The following BMPR1B variants were observed in gnomAD, a reference collection of about 807,000 sequenced individuals.
BMPR1B encodes bone morphogenetic protein receptor type 1B, also known as bone morphogenetic protein receptor type-1B.
Under a neutral mutation model 59.1 loss-of-function variants are expected in BMPR1B, and 12 were observed. The ratio of observed to expected loss-of-function variants is 0.20; its 90% CI spans 0.13 to 0.33. BMPR1B has a LOEUF of 0.33. Ranked by LOEUF, BMPR1B falls within the 10% of genes least tolerant of loss-of-function variation. The pLI is 1.00. For synonymous variants in BMPR1B, 237 were observed against 207.3 expected, an observed-to-expected ratio of 1.14 and a Z score of -1.23; for missense variants, 550 against 610.9, an observed-to-expected ratio of 0.90 and a Z score of 1.05.
chr4:94,813,919 A>T (rs1337412977), intron 1 of BMPR1B, among the ~76,000 whole-genome samples: 1 of 152,178 alleles, frequency 6.6e-6, no homozygotes, highest in Non-Finnish European at 1.5e-5. Flanking sequence ...AAAGCAAGGG[A>T]AAACAAGAAT....
intron 2 of BMPR1B, among the ~76,000 whole-genome samples, chr4:94,975,357 G>GTTTTTT (rs1177887549): frequency 1.5e-4 from 14 of 94,212 alleles, no homozygotes; most frequent in Non-Finnish European, 1.4e-4. Context: ...ATTTCCTTTT[G>GTTTTTT]TTTTTGTTTT....
At chr4:94,832,668 A>C (rs1044086671) in intron 1 of BMPR1B, among the ~76,000 whole-genome samples, 3 of 152,184 alleles carry the variant, frequency 2.0e-5, no homozygotes, top group African/African-American at 7.2e-5. Flanking sequence ...CTGTAATCCC[A>C]GCTACTCAGG....
chr4:95,152,816 T>G (rs2149330729), intron 12 of BMPR1B, 43 bp downstream of exon 12: 1 of 1,601,890 alleles, frequency 6.2e-7, no homozygotes, highest in East Asian at 2.2e-5. Context: ...GACTTCTAAA[T>G]AGACTTTTCT....
At chr4:94,917,603 C>T (rs1728533620) in intron 2 of BMPR1B, among the ~76,000 whole-genome samples, 1 of 152,192 alleles carries the variant, frequency 6.6e-6, no homozygotes, top group Admixed American at 6.5e-5. Context: ...TACTCAATGC[C>T]TGTATCCCCA....
chr4:94,830,309 AATTCT>A (rs1262324632), intron 1 of BMPR1B, among the ~76,000 whole-genome samples: 1 of 152,184 alleles, frequency 6.6e-6, no homozygotes, highest in African/African-American at 2.4e-5. Flanking sequence ...GTGATTATAG[AATTCT>A]ATTCATATAT....
intron 3 of BMPR1B, among the ~76,000 whole-genome samples, chr4:95,055,908 G>A (rs2149196417): frequency 6.6e-6 from 1 of 152,204 alleles, no homozygotes; most frequent in South Asian, 2.1e-4. Flanking sequence ...TTCTCTGTAA[G>A]CCAACTGAAT....
intron 3 of BMPR1B, among the ~76,000 whole-genome samples, chr4:95,019,928 G>T (rs1056645625): frequency 1.3e-5 from 2 of 152,118 alleles, no homozygotes; most frequent in African/African-American, 4.8e-5. Flanking sequence ...AATAGTTACT[G>T]CCAATATTGG....
rs150795122 is a variant in BMPR1B at position 95,076,240 on chromosome 4, T to C, written c.-17-28168T>C. On this transcript the variant is annotated intron_variant, in intron 3 of 12. Coordinates refer to ENST00000515059, the MANE Select transcript of BMPR1B (RefSeq NM_001203.3). Reference sequence around the variant, plus strand: ...ACTCTGCAGGAATCCATTCCAACTTTATTAGTATTATACTTGAGATTGGTC... The same window carrying C: ...ACTCTGCAGGAATCCATTCCAACTTCATTAGTATTATACTTGAGATTGGTC... Among the ~76,000 whole-genome samples, 535 of 152,244 alleles carry C rather than the reference T, an allele frequency of 3.5e-3. 3 individuals carry two copies. The highest frequency in any genetic ancestry group is 0.013 in the African/African-American group (521 of 41,584).
chr4:95,086,213 G>C (rs1729563364), intron 3 of BMPR1B, among the ~76,000 whole-genome samples: 2 of 152,042 alleles, frequency 1.3e-5, no homozygotes, highest in Non-Finnish European at 2.9e-5. Flanking sequence ...ATCCTTTCTT[G>C]TCCCTATTTT....
In BMPR1B at chr4:95,115,676, C is replaced by T. The variant is rs199892209; in HGVS notation, c.247-9C>T. The T allele has an allele frequency of 3.2e-4, 518 of 1,608,152 alleles. 4 individuals carry two copies. Among genetic ancestry groups the T allele is most frequent in the Admixed American group, 5.2e-4 (31 of 59,966 alleles). Reference sequence around the variant, plus strand: ...AAACTCACTAATAGCTGTTTGGGTTCGATTATAGGACACTCCCATTCCTCA... The same window carrying T: ...AAACTCACTAATAGCTGTTTGGGTTTGATTATAGGACACTCCCATTCCTCA... On this transcript the variant is annotated splice_polypyrimidine_tract_variant and intron_variant, in intron 5 of 12. Transcript: ENST00000515059.
rs568266223 is a variant in BMPR1B at position 95,150,092 on chromosome 4, A to T, written c.1252+1169A>T. On this transcript the variant is annotated intron_variant, in intron 11 of 12. Transcript: ENST00000515059. The stretch of plus-strand genomic sequence containing the variant: ...CCTGCATTCACACTTCAATAGAAAG[A>T]TCATTATCAGTGGCACAGTGCCTTC... Among the ~76,000 whole-genome samples the T allele has an allele frequency of 6.6e-5, 10 of 152,356 alleles. No homozygotes were observed. In the East Asian group the frequency reaches 1.9e-3, roughly 29 times the overall value.
At chr4:95,147,009 G>T (rs1734699161) in intron 10 of BMPR1B, among the ~76,000 whole-genome samples, 1 of 152,088 alleles carries the variant, frequency 6.6e-6, no homozygotes, top group Non-Finnish European at 1.5e-5. Flanking sequence ...TTTTAGAAAA[G>T]ATCCCAGAAC....
rs1735273800 is a variant in BMPR1B at position 95,154,533 on chromosome 4, A to G, written c.1384-15A>G. 1.9e-6 allele frequency: 3 copies of G among 1,613,888 alleles called. No homozygotes were observed. The African/African-American group carries it at 4.0e-5, about 22-fold the overall frequency. ...CTTGCAGATGATACATTTTTCTAAC[A>G]TTTCTCTTCCTCAGTGTCTAAGGCA... On this transcript the variant is annotated splice_polypyrimidine_tract_variant and intron_variant, in intron 12 of 12. Transcript: ENST00000515059.
At chr4:94,995,272 TGA>T (rs1348330262) in intron 2 of BMPR1B, among the ~76,000 whole-genome samples, 3 of 152,158 alleles carry the variant, frequency 2.0e-5, no homozygotes, top group African/African-American at 7.2e-5. Context: ...AATATTGTGT[TGA>T]GTTATAATTT....
At chr4:95,143,447 GTCTCTC>G (rs537689501) in intron 10 of BMPR1B, among the ~76,000 whole-genome samples, 1 of 151,446 alleles carries the variant, frequency 6.6e-6, no homozygotes, top group Admixed American at 6.6e-5. Context: ...TAATTTTCTT[GTCTCTC>G]TCTCTCTCAA....
At chr4:94,901,102 T>C (rs1353538906) in intron 2 of BMPR1B, among the ~76,000 whole-genome samples, 1 of 151,998 alleles carries the variant, frequency 6.6e-6, no homozygotes, top group Admixed American at 6.6e-5. Flanking sequence ...CCTCAGCTCA[T>C]AGGTTGAAAC....
At chr4:94,863,139 G>C (rs1158951147) in intron 1 of BMPR1B, among the ~76,000 whole-genome samples, 1 of 151,918 alleles carries the variant, frequency 6.6e-6, no homozygotes, top group Non-Finnish European at 1.5e-5. Context: ...GTGTTTAATT[G>C]AATGCTCATG....
intron 1 of BMPR1B, among the ~76,000 whole-genome samples, chr4:94,805,469 G>C (rs530392865): frequency 3.8e-4 from 58 of 152,224 alleles, no homozygotes; most frequent in African/African-American, 1.3e-3. Flanking sequence ...CCTTTGTAAT[G>C]AAAATAAGAG....
Position 95,146,709 on chromosome 4 carries a change from A to G in BMPR1B, c.1077-2039A>G, listed in dbSNP as rs184423821. On this transcript the variant is annotated intron_variant, in intron 10 of 12. Transcript: ENST00000515059. ...GGACTTCTTACCTGGGGTCACCACT[A>G]TCTTCCTCATGATTAAAAATTAAAA... Among the ~76,000 whole-genome samples, 50 of 152,316 alleles carry G rather than the reference A, an allele frequency of 3.3e-4. No individual in the cohort carries two copies. The East Asian group carries it at 9.6e-3, about 29-fold the overall frequency.
Sources: allele counts gnomAD v4.1 joint callset (sites outside exome capture counted in the v4.1 genomes callset), GRCh38; gene constraint gnomAD v4.1.1; transcripts MANE v1.5; gene names NCBI Gene and HGNC (gene_info 2026-07-23, HGNC 2026-07-21).